COL4A2: variants seen among roughly 807,000 people sequenced by gnomAD.
COL4A2 encodes the protein collagen type IV alpha 2 chain.
COL4A2 carries 99 observed loss-of-function variants against 200.2 expected under a neutral mutation model. The ratio of observed to expected loss-of-function variants is 0.49; its 90% CI spans 0.42 to 0.58. COL4A2 has a LOEUF of 0.58. Ranked by LOEUF, COL4A2 falls within the 20% of genes least tolerant of loss-of-function variation. COL4A2 has a pLI of 0.00. For missense variants in COL4A2, 1,950 were observed against 2,314.1 expected (o/e 0.84, Z 3.23); for synonymous variants, 897 against 900.6 (o/e 1.00, Z 0.07).
At chr13:110,457,892 C>T (rs143925732) in intron 21 of COL4A2, among the ~76,000 whole-genome samples, 1 of 152,234 alleles carries the variant, frequency 6.6e-6, no homozygotes, top group East Asian at 1.9e-4. Flanking sequence ...GTGGTTTGCC[C>T]GGGTCTCCCT....
intron 3 of COL4A2, among the ~76,000 whole-genome samples, chr13:110,343,924 G>A (rs545518938): frequency 2.0e-4 from 30 of 152,188 alleles, no homozygotes; most frequent in African/African-American, 6.5e-4. Context: ...ATTACCAACA[G>A]GGCTAAATAT....
Position 110,506,625 on chromosome 13 carries a change from G to GC in COL4A2, c.4594+24dup. The GC allele has an allele frequency of 6.3e-7, 1 of 1,583,388 alleles. No homozygotes were observed. On this transcript the variant is annotated intron_variant, in intron 46 of 47. Transcript: ENST00000360467. ...GACCTGGGTAGGTACCTCCCACCCG[G>GC]CCCCCGTTGCCTGCTCAGGGCTGGC... is the stretch of plus-strand genomic sequence containing the variant.
At chr13:110,338,628 G>A (rs1375924194) in intron 3 of COL4A2, among the ~76,000 whole-genome samples, 2 of 152,224 alleles carry the variant, frequency 1.3e-5, no homozygotes, top group Non-Finnish European at 2.9e-5. Flanking sequence ...AAGATTAGGG[G>A]AGAAACGTGC....
intron 21 of COL4A2, chr13:110,458,362 G>A (rs1881863522): frequency 3.1e-6 from 1 of 327,672 alleles, no homozygotes; most frequent in South Asian, 2.3e-5. Flanking sequence ...CTTGGCCTCT[G>A]AGGCCAGGGC....
At chr13:110,504,690 C>T (rs959154819) in intron 45 of COL4A2, among the ~76,000 whole-genome samples, 1 of 152,152 alleles carries the variant, frequency 6.6e-6, no homozygotes, top group Non-Finnish European at 1.5e-5. Flanking sequence ...ACTGCAGCTT[C>T]TGCCTCCCGG....
chr13:110,321,177 CATGT>C (rs759242851), intron 3 of COL4A2, among the ~76,000 whole-genome samples: 5 of 111,964 alleles, frequency 4.5e-5, no homozygotes, highest in African/African-American at 1.7e-4. Flanking sequence ...ATATAGTGTG[CATGT>C]GTGTGTGTGT....
chr13:110,498,376 G>A (rs1566568573), intron 40 of COL4A2, among the ~76,000 whole-genome samples: 1 of 152,284 alleles, frequency 6.6e-6, no homozygotes, highest in Non-Finnish European at 1.5e-5. Context: ...ATGCAGCAAC[G>A]GGGAAGACTT....
At chr13:110,398,050 T>C (rs1879242209) in intron 4 of COL4A2, among the ~76,000 whole-genome samples, 1 of 152,062 alleles carries the variant, frequency 6.6e-6, no homozygotes, top group African/African-American at 2.4e-5. Flanking sequence ...TGAAGGGCTT[T>C]GAAGTTATTT....
Position 110,474,758 on chromosome 13 carries a change from A to ACAT in COL4A2, c.2425+1611_2425+1613dup, listed in dbSNP as rs1882626755. 2.0e-5 allele frequency among the ~76,000 whole-genome samples: 2 copies of ACAT among 100,588 alleles called. 1 individual carries two copies. The highest frequency in any genetic ancestry group is 7.5e-5 in the African/African-American group (2 of 26,758). The allele number at this position is 100,588 out of a possible 152,430, so 66.0% of individuals were successfully genotyped here. On this transcript the variant is annotated intron_variant, in intron 29 of 47. Coordinates refer to ENST00000360467, the MANE Select transcript of COL4A2 (RefSeq NM_001846.4). The stretch of plus-strand genomic sequence containing the variant: ...CCACACACGTGCCGTGCACACTCAC[A>ACAT]CATCACACACGCACGTACCCACACA...
chr13:110,389,545 A>G lies in COL4A2; in HGVS notation c.180+31993A>G, dbSNP rs75821861. 6.4e-3 allele frequency among the ~76,000 whole-genome samples: 968 copies of G among 152,270 alleles called. 13 individuals are homozygous for G. The highest frequency in any genetic ancestry group is 0.023 in the African/African-American group (939 of 41,572). The stretch of plus-strand genomic sequence containing the variant: ...GCCTCCCTGCAGGAGGGCCCGGCTC[A>G]GGGAGTCCTTCTCAGACCCCTCTGT... On this transcript the variant is annotated intron_variant, in intron 4 of 47. Coordinates refer to ENST00000360467, the MANE Select transcript of COL4A2 (RefSeq NM_001846.4).
At chr13:110,361,765 A>G (rs1877522941) in intron 4 of COL4A2, among the ~76,000 whole-genome samples, 2 of 152,218 alleles carry the variant, frequency 1.3e-5, no homozygotes, top group African/African-American at 4.8e-5. Flanking sequence ...TCCCATAGAT[A>G]ATTCCAGCAA....
At chr13:110,462,487 C>A in intron 24 of COL4A2, 103 bp downstream of exon 24, 1 of 1,096,216 alleles carries the variant, frequency 9.1e-7, no homozygotes, top group Non-Finnish European at 1.3e-6. Context: ...ACTAAACCAA[C>A]CTGTGCATAG....
Position 110,449,780 on chromosome 13 carries a change from G to A in COL4A2, c.1180G>A (p.Gly394Arg), listed in dbSNP as rs866443796. 1.4e-5 allele frequency: 22 copies of A among 1,547,716 alleles called. No homozygotes were observed. The highest frequency in any genetic ancestry group is 1.4e-4 in the African/African-American group (10 of 72,818). Residue 394 changes from glycine (G) to arginine (R), a missense_variant, in exon 19 of 48, where the codon GGA (glycine) becomes AGA (arginine). Transcript: ENST00000360467. ...GLPGPPGLSI[G>R]DGDQRRGLPG... ...CCCAGGTCCCCCTGGCCTCTCCATCGGAGATGGAGGTAATGTGGCTTCATA... is the reference window on the plus strand; with the variant it reads ...CCCAGGTCCCCCTGGCCTCTCCATCAGAGATGGAGGTAATGTGGCTTCATA...
At chr13:110,401,719 T>G (rs1339150290) in intron 4 of COL4A2, among the ~76,000 whole-genome samples, 1 of 152,202 alleles carries the variant, frequency 6.6e-6, no homozygotes, top group Non-Finnish European at 1.5e-5. Flanking sequence ...CTTAGTCCAC[T>G]TGGGCTATTA....
chr13:110,435,418 C>T (rs1880834499), intron 12 of COL4A2, among the ~76,000 whole-genome samples: 1 of 152,104 alleles, frequency 6.6e-6, no homozygotes, highest in Non-Finnish European at 1.5e-5. Context: ...AGGACTTATG[C>T]AAATAATGAA....
At chr13:110,476,978 A>T (rs940076697) in intron 29 of COL4A2, among the ~76,000 whole-genome samples, 6 of 152,216 alleles carry the variant, frequency 3.9e-5, no homozygotes, top group Non-Finnish European at 8.8e-5. Context: ...TTTACAATAG[A>T]TATGAAGGAA....
At chr13:110,439,710 C>T in intron 15 of COL4A2, 79 bp from the exon 16 acceptor site, 1 of 1,604,422 alleles carries the variant, frequency 6.2e-7, no homozygotes, top group African/African-American at 1.3e-5. Flanking sequence ...GTGATCACAG[C>T]CAGGTGCCGT....
At chr13:110,485,974 C>A in intron 34 of COL4A2, 138 bp downstream of exon 34, 1 of 1,362,034 alleles carries the variant, frequency 7.3e-7, no homozygotes, top group Non-Finnish European at 9.8e-7. Context: ...TTGGTGGGGT[C>A]CACACAGCCC....
intron 4 of COL4A2, among the ~76,000 whole-genome samples, chr13:110,387,213 C>G (rs1878790263): frequency 6.6e-6 from 1 of 152,044 alleles, no homozygotes; most frequent in Non-Finnish European, 1.5e-5. Context: ...CACTCCAGCC[C>G]AGGAGACAGA....
Sources: allele counts gnomAD v4.1 joint callset (sites outside exome capture counted in the v4.1 genomes callset), GRCh38; gene constraint gnomAD v4.1.1; transcripts MANE v1.5; gene names NCBI Gene and HGNC (gene_info 2026-07-23, HGNC 2026-07-21).